Variants in DLGAP2 observed in about 807,000 individuals in gnomAD.
DLGAP2 encodes the protein disks large-associated protein 2.
Under a neutral mutation model 100.3 loss-of-function variants are expected in DLGAP2, and 26 were observed. The ratio of observed to expected loss-of-function variants is 0.26; its 90% CI spans 0.19 to 0.36. The LOEUF (loss-of-function observed/expected upper bound fraction) is 0.36, where lower values mean the gene tolerates loss of function less well. DLGAP2 is among the 10% of genes least tolerant of loss of function. The pLI is 1.00. For missense variants in DLGAP2, 1,858 were observed against 1,453.2 expected (o/e 1.28, Z -4.53); for synonymous variants, 886 against 630.1 (o/e 1.41, Z -6.08).
chr8:1,255,600 T>C (rs1253866251), intron 2 of DLGAP2, among the ~76,000 whole-genome samples: 1 of 133,114 alleles, frequency 7.5e-6, no homozygotes, highest in Non-Finnish European at 1.6e-5. Flanking sequence ...GCACTGTATG[T>C]GTGTCCTCTC....
chr8:1,161,613 G>C (rs768039903), intron 2 of DLGAP2, among the ~76,000 whole-genome samples: 1 of 152,296 alleles, frequency 6.6e-6, no homozygotes, highest in Non-Finnish European at 1.5e-5. Flanking sequence ...GATGAGACTC[G>C]GCCCTGGAGT....
intron 2 of DLGAP2, among the ~76,000 whole-genome samples, chr8:970,615 T>C (rs914255437): frequency 6.6e-6 from 1 of 152,346 alleles, no homozygotes; most frequent in Middle Eastern, 3.4e-3. Flanking sequence ...TGTTTGTTTT[T>C]ACAAACCAAG....
At chr8:879,890 C>G (rs1220497581) in intron 1 of DLGAP2, among the ~76,000 whole-genome samples, 2 of 152,194 alleles carry the variant, frequency 1.3e-5, no homozygotes, top group Non-Finnish European at 2.9e-5. Flanking sequence ...TTGTCAAGCA[C>G]TTCTCCATTC....
chr8:1,263,699 A>G (rs936931561), intron 3 of DLGAP2, among the ~76,000 whole-genome samples: 89 of 152,166 alleles, frequency 5.8e-4, no homozygotes, highest in African/African-American at 2.1e-3. Context: ...TGGGGAAAAA[A>G]TGATAGGATT....
chr8:1,701,074 G>T (rs1799552670), intron 14 of DLGAP2, 114 bp from the exon 15 acceptor site: 3 of 937,458 alleles, frequency 3.2e-6, no homozygotes, highest in Non-Finnish European at 4.8e-6. Flanking sequence ...GAAGGATGCG[G>T]CCCTGGGGGC....
At chr8:943,357 C>T (rs1167104640) in intron 2 of DLGAP2, among the ~76,000 whole-genome samples, 5 of 152,180 alleles carry the variant, frequency 3.3e-5, no homozygotes, top group African/African-American at 1.2e-4. Flanking sequence ...CCTTGAAATC[C>T]AGTGTGTATT....
At chr8:1,688,348 C>G (rs1799167189) in intron 12 of DLGAP2, 1 of 152,250 alleles carries the variant, frequency 6.6e-6, no homozygotes, top group East Asian at 1.9e-4. Flanking sequence ...CGACAGACAA[C>G]CTTCCATCCT....
Position 1,690,703 on chromosome 8 carries a change from CAAAAAAA to C in DLGAP2, c.2705-812_2705-806del, listed in dbSNP as rs71190752. ...TGGGCGATAAAGGGAGACCCTATCT[CAAAAAAA>C]AAAAAAAAAAAAAAAAAAATTAGTA... On this transcript the variant is annotated intron_variant, in intron 12 of 14. Coordinates refer to ENST00000637795, the MANE Select transcript of DLGAP2 (RefSeq NM_001346810.2). Among the ~76,000 whole-genome samples, 455 of 62,080 alleles carry C rather than the reference CAAAAAAA, an allele frequency of 7.3e-3. 2 individuals carry two copies. The highest frequency in any genetic ancestry group is 0.018 in the African/African-American group (338 of 18,578). 40.7% of individuals were successfully genotyped at this position (62,080 alleles called of 152,430 possible). A position where few individuals can be genotyped will look rare whatever the true frequency, so the allele number is the denominator to read the frequency against.
chr8:881,683 T>TG (rs1797800441), intron 1 of DLGAP2, among the ~76,000 whole-genome samples: 1 of 131,294 alleles, frequency 7.6e-6, no homozygotes. Flanking sequence ...ACACACACAC[T>TG]TTTTTTTTTT....
chr8:1,052,908 C>A (rs1301653369), intron 2 of DLGAP2, among the ~76,000 whole-genome samples: 2 of 152,132 alleles, frequency 1.3e-5, no homozygotes, highest in East Asian at 3.8e-4. Flanking sequence ...AATCTTCCCC[C>A]AAATGTCTAT....
intron 2 of DLGAP2, among the ~76,000 whole-genome samples, chr8:1,218,505 T>C (rs1798255728): frequency 6.6e-6 from 1 of 151,824 alleles, no homozygotes; most frequent in Non-Finnish European, 1.5e-5. Context: ...TTTTGTTTTT[T>C]TACCAGTACC....
At chr8:782,122 C>T (rs1171141663) in intron 1 of DLGAP2, among the ~76,000 whole-genome samples, 1 of 151,606 alleles carries the variant, frequency 6.6e-6, no homozygotes, top group Admixed American at 6.6e-5. Context: ...GAAAGATATC[C>T]CAGTTATCCT....
intron 2 of DLGAP2, among the ~76,000 whole-genome samples, chr8:1,033,282 T>C (rs1189852622): frequency 6.6e-6 from 1 of 152,198 alleles, no homozygotes; most frequent in Non-Finnish European, 1.5e-5. Flanking sequence ...CTTAAAATCC[T>C]CTTATACAAC....
chr8:1,649,438 A>G (rs1183729797), intron 8 of DLGAP2, among the ~76,000 whole-genome samples: 1 of 152,222 alleles, frequency 6.6e-6, no homozygotes, highest in East Asian at 1.9e-4. Flanking sequence ...GGCCATTTTA[A>G]TGTTCCCAAA....
At chr8:1,599,128 A>C (rs558721537) in intron 6 of DLGAP2, among the ~76,000 whole-genome samples, 1 of 152,326 alleles carries the variant, frequency 6.6e-6, no homozygotes, top group African/African-American at 2.4e-5. Context: ...TTATTTACCC[A>C]GTAGTCATTC....
At chr8:1,505,534 G>T (rs567797658) in intron 4 of DLGAP2, among the ~76,000 whole-genome samples, 1 of 152,166 alleles carries the variant, frequency 6.6e-6, no homozygotes, top group Non-Finnish European at 1.5e-5. Flanking sequence ...GAGCATTTGC[G>T]TTCTCTGAAG....
chr8:1,470,040 C>G (rs11136398), intron 3 of DLGAP2, among the ~76,000 whole-genome samples: 1 of 151,282 alleles, frequency 6.6e-6, no homozygotes, highest in Non-Finnish European at 1.5e-5. Flanking sequence ...TGTGTGCCTG[C>G]GATCCCAGCT....
chr8:1,201,553 T>A (rs2116759323), intron 2 of DLGAP2, among the ~76,000 whole-genome samples: 1 of 152,266 alleles, frequency 6.6e-6, no homozygotes, highest in African/African-American at 2.4e-5. Flanking sequence ...TCCGGACGGA[T>A]ATAGATCGCT....
At chr8:775,363 C>G (rs1421340578) in intron 1 of DLGAP2, among the ~76,000 whole-genome samples, 2 of 150,512 alleles carry the variant, frequency 1.3e-5, no homozygotes, top group Non-Finnish European at 3.0e-5. Flanking sequence ...CCTAATTGCC[C>G]TGGCCAGAAC....
Sources: allele counts gnomAD v4.1 joint callset (sites outside exome capture counted in the v4.1 genomes callset), GRCh38; gene constraint gnomAD v4.1.1; transcripts MANE v1.5; gene names NCBI Gene and HGNC (gene_info 2026-07-23, HGNC 2026-07-21).